Variants in RBM47 observed in about 807,000 individuals in gnomAD.
RBM47 encodes the protein RNA-binding protein 47.
Under a neutral mutation model 47.1 loss-of-function variants are expected in RBM47, and 21 were observed. The observed-to-expected ratio is 0.45, with a 90% CI of 0.32 to 0.64. The LOEUF is 0.64. Among genes scored for constraint, RBM47 ranks in the 30% least tolerant of loss-of-function variants. The probability of loss-of-function intolerance (pLI) is 0.05; values close to 1 mark genes in which losing one functional copy is unlikely to be tolerated. For missense variants in RBM47, 708 were observed against 870.9 expected (o/e 0.81, Z 2.35); for synonymous variants, 375 against 361.7 (o/e 1.04, Z -0.42).
intron 2 of RBM47, among the ~76,000 whole-genome samples, chr4:40,531,580 G>A (rs547071539): frequency 6.6e-6 from 1 of 152,324 alleles, no homozygotes; most frequent in Non-Finnish European, 1.5e-5. Flanking sequence ...GCTAGGCACA[G>A]ATAGGTTGTA....
intron 3 of RBM47, among the ~76,000 whole-genome samples, chr4:40,448,983 GC>G (rs970227717): frequency 3.8e-4 from 58 of 152,340 alleles, no homozygotes; most frequent in African/African-American, 1.4e-3. Flanking sequence ...CCAAGATTTG[GC>G]CTTACCCTGA....
At chr4:40,626,540 C>T (rs571677464) in intron 1 of RBM47, among the ~76,000 whole-genome samples, 1 of 152,140 alleles carries the variant, frequency 6.6e-6, no homozygotes, top group South Asian at 2.1e-4. Context: ...CAGAACTTAC[C>T]TGTTTCTTGG....
intron 2 of RBM47, among the ~76,000 whole-genome samples, chr4:40,523,367 T>A (rs1199197772): frequency 1.3e-5 from 2 of 151,490 alleles, no homozygotes; most frequent in Non-Finnish European, 2.9e-5. Context: ...TCAGCCATGG[T>A]AGGCCGGGCG....
Position 40,508,990 on chromosome 4 carries a change from G to C in RBM47, c.-155+35432C>G, listed in dbSNP as rs1724503860. Among the ~76,000 whole-genome samples the C allele has an allele frequency of 5.3e-5, 8 of 152,114 alleles. No individual in the cohort carries two copies. The South Asian group carries it at 1.5e-3, about 28-fold the overall frequency. ...AGCCTGGCCAACATGGTGAAACCCT[G>C]TCTCTACTAAAAATACAAAAATTAG... On this transcript the variant is annotated intron_variant, in intron 2 of 6. Coordinates refer to ENST00000295971, the MANE Select transcript of RBM47 (RefSeq NM_001098634.2).
chr4:40,535,373 T>TTTTTTTTTTTTTTTTCTTTTTC (rs1560452311), intron 2 of RBM47, among the ~76,000 whole-genome samples: 3 of 127,792 alleles, frequency 2.3e-5, no homozygotes, highest in Non-Finnish European at 4.8e-5. Flanking sequence ...TGGTATTTCT[T>TTTTTTTTTTTTTTTTCTTTTTC]TTTTTTTTTT....
At position 40,535,371 on chromosome 4, in the gene RBM47, C is replaced by CTTTTTTTTTTTTTTTTTTCTTTTT. The variant is rs1553897874; in HGVS notation, c.-155+9050_-155+9051insAAAAAGAAAAAAAAAAAAAAAAAA. ...TTCATACCAGCCTGGTATGGTATTT[C>CTTTTTTTTTTTTTTTTTTCTTTTT]TTTTTTTTTTTTTTTTTTTGAGACG... On this transcript the variant is annotated intron_variant, in intron 2 of 6. Coordinates refer to ENST00000295971, the MANE Select transcript of RBM47 (RefSeq NM_001098634.2). Among the ~76,000 whole-genome samples the CTTTTTTTTTTTTTTTTTTCTTTTT allele has an allele frequency of 1.9e-3, 198 of 103,418 alleles. 3 individuals are homozygous for CTTTTTTTTTTTTTTTTTTCTTTTT. Among genetic ancestry groups the CTTTTTTTTTTTTTTTTTTCTTTTT allele is most frequent in the African/African-American group, 5.4e-3 (124 of 23,090 alleles). The allele number at this position is 103,418 out of a possible 152,430, so 67.8% of individuals were successfully genotyped here. A position where few individuals can be genotyped will look rare whatever the true frequency, so the allele number is the denominator to read the frequency against.
chr4:40,536,651 G>A (rs1560453413), intron 2 of RBM47, among the ~76,000 whole-genome samples: 2 of 151,770 alleles, frequency 1.3e-5, no homozygotes, highest in East Asian at 3.9e-4. Flanking sequence ...TCCCTGCCAT[G>A]TTATTGGTTG....
intron 1 of RBM47, among the ~76,000 whole-genome samples, chr4:40,573,923 T>G (rs1732044857): frequency 6.6e-6 from 1 of 152,154 alleles, no homozygotes. Context: ...TAATTTCCAT[T>G]TCTGTAAAAC....
intron 1 of RBM47, among the ~76,000 whole-genome samples, chr4:40,601,465 T>G (rs1316302957): frequency 6.6e-6 from 1 of 152,162 alleles, no homozygotes; most frequent in Non-Finnish European, 1.5e-5. Context: ...GGAAAGTTCA[T>G]GTGTGCAGAA....
At chr4:40,532,974 G>A (rs1235512894) in intron 2 of RBM47, among the ~76,000 whole-genome samples, 1 of 152,078 alleles carries the variant, frequency 6.6e-6, no homozygotes. Context: ...GTAGTTCATG[G>A]GACAGGATAT....
At position 40,593,839 on chromosome 4, in the gene RBM47, G is replaced by A. The variant is rs1026896112; in HGVS notation, c.-240+35557C>T. 5.3e-5 allele frequency among the ~76,000 whole-genome samples: 8 copies of A among 150,288 alleles called. No individual in the cohort carries two copies. In the East Asian group the frequency reaches 1.2e-3, roughly 22 times the overall value. ...GCAGAGCTTGCAGTGAGCCGAGATC[G>A]CGCCACTACACTCCAGCCTGGGTGA... On this transcript the variant is annotated intron_variant, in intron 1 of 6. Coordinates refer to ENST00000295971, the MANE Select transcript of RBM47 (RefSeq NM_001098634.2).
At chr4:40,476,899 G>A (rs1322820710) in intron 2 of RBM47, among the ~76,000 whole-genome samples, 1 of 152,226 alleles carries the variant, frequency 6.6e-6, no homozygotes, top group African/African-American at 2.4e-5. Context: ...AGCTTATTCA[G>A]TTAAACCTTA....
chr4:40,449,701 C>T (rs75577476), intron 3 of RBM47, among the ~76,000 whole-genome samples: 1,786 of 152,232 alleles, frequency 0.012, 32 homozygotes, highest in African/African-American at 0.04. Flanking sequence ...TTTATTTAGA[C>T]GGAATCTCAT....
At chr4:40,494,639 C>T (rs1176392280) in intron 2 of RBM47, among the ~76,000 whole-genome samples, 5 of 152,008 alleles carry the variant, frequency 3.3e-5, no homozygotes, top group African/African-American at 4.8e-5. Context: ...CAGGTGTAGC[C>T]CATATGTGCT....
chr4:40,534,191 C>A (rs1203662350), intron 2 of RBM47, among the ~76,000 whole-genome samples: 1 of 151,702 alleles, frequency 6.6e-6, no homozygotes, highest in East Asian at 1.9e-4. Context: ...GTCTTGAACT[C>A]GTGGGCTGAA....
At chr4:40,495,630 A>G (rs534813338) in intron 2 of RBM47, among the ~76,000 whole-genome samples, 8 of 152,066 alleles carry the variant, frequency 5.3e-5, no homozygotes, top group Non-Finnish European at 1.0e-4. Context: ...AGTTTAGGTT[A>G]TGACTCGTTC....
At chr4:40,588,694 T>C (rs1272833503) in intron 1 of RBM47, among the ~76,000 whole-genome samples, 2 of 152,076 alleles carry the variant, frequency 1.3e-5, no homozygotes, top group Admixed American at 6.6e-5. Context: ...TCTTGGGGTG[T>C]AGTAATGAGC....
chr4:40,475,242 A>C (rs1454570040), intron 2 of RBM47, among the ~76,000 whole-genome samples: 1 of 152,154 alleles, frequency 6.6e-6, no homozygotes, highest in Non-Finnish European at 1.5e-5. Context: ...CATAAAGCTA[A>C]TTCCATTAAT....
intron 2 of RBM47, among the ~76,000 whole-genome samples, chr4:40,474,424 C>T (rs889342386): frequency 1.3e-5 from 2 of 151,938 alleles, no homozygotes; most frequent in Admixed American, 6.6e-5. Flanking sequence ...GAATGGCAGA[C>T]GTCTTACAAA....
Sources: allele counts gnomAD v4.1 joint callset (sites outside exome capture counted in the v4.1 genomes callset), GRCh38; gene constraint gnomAD v4.1.1; transcripts MANE v1.5; gene names NCBI Gene and HGNC (gene_info 2026-07-23, HGNC 2026-07-21).